FSIP1: variants seen among roughly 807,000 people sequenced by gnomAD.
FSIP1 encodes fibrous sheath-interacting protein 1.
In FSIP1, 65 loss-of-function variants were observed where a neutral mutation model predicts 60.9. The observed-to-expected ratio is 1.07, with a 90% confidence interval of 0.87 to 1.31. The LOEUF (loss-of-function observed/expected upper bound fraction) is 1.31, where lower values mean the gene tolerates loss of function less well. Among genes scored for constraint, FSIP1 ranks in the 40% most tolerant of loss-of-function variants. The pLI is 0.00. For missense variants in FSIP1, 675 were observed against 665.5 expected, an observed-to-expected ratio of 1.01 and a Z score of -0.16; for synonymous variants, 209 against 221.2, an observed-to-expected ratio of 0.94 and a Z score of 0.49.
At chr15:39,760,593 A>C (rs1431835152) in intron 5 of FSIP1, among the ~76,000 whole-genome samples, 2 of 152,198 alleles carry the variant, frequency 1.3e-5, no homozygotes, top group African/African-American at 4.8e-5. Flanking sequence ...GACATTTTAC[A>C]AAATAGCTGA....
At chr15:39,619,076 A>G (rs1470140233) in intron 10 of FSIP1, among the ~76,000 whole-genome samples, 1 of 152,210 alleles carries the variant, frequency 6.6e-6, no homozygotes, top group African/African-American at 2.4e-5. Context: ...AAGAAAACTT[A>G]ATCATGAATT....
chr15:39,633,006 T>C (rs1891966483), intron 10 of FSIP1, among the ~76,000 whole-genome samples: 1 of 151,930 alleles, frequency 6.6e-6, no homozygotes, highest in Admixed American at 6.6e-5. Flanking sequence ...GGACTCAGAA[T>C]TGTACTTCCC....
At chr15:39,775,589 G>A (rs1408891520) in intron 2 of FSIP1, among the ~76,000 whole-genome samples, 2 of 152,108 alleles carry the variant, frequency 1.3e-5, no homozygotes, top group African/African-American at 2.4e-5. Context: ...ATCTCATGTC[G>A]AATTGTAATT....
chr15:39,657,585 T>C (rs1355491866), intron 10 of FSIP1, among the ~76,000 whole-genome samples: 1 of 152,180 alleles, frequency 6.6e-6, no homozygotes, highest in Non-Finnish European at 1.5e-5. Context: ...ATATTATTTA[T>C]AAAAATAGCA....
chr15:39,627,679 T>C (rs8028707), intron 10 of FSIP1, among the ~76,000 whole-genome samples: 5,855 of 152,032 alleles, frequency 0.039, 391 homozygotes, highest in African/African-American at 0.13. Context: ...CCACATGGCA[T>C]CTCTCTGCAT....
Position 39,780,450 on chromosome 15 carries a change from G to A in FSIP1, c.-8+2178C>T, listed in dbSNP as rs1286545784. On this transcript the variant is annotated intron_variant, in intron 1 of 11. Transcript: ENST00000350221. ...TAAGGCAGGAGAATGGCCTGAACCC[G>A]GGAGGCGGAGCTTGCAGTGAGCCGA... Among the ~76,000 whole-genome samples the A allele has an allele frequency of 5.3e-5, 8 of 152,304 alleles. No homozygotes were observed. The East Asian group carries it at 9.6e-4, about 18-fold the overall frequency.
chr15:39,781,062 T>C (rs1170079711), intron 1 of FSIP1, among the ~76,000 whole-genome samples: 1 of 152,104 alleles, frequency 6.6e-6, no homozygotes, highest in Non-Finnish European at 1.5e-5. Context: ...ACCCAAAGAC[T>C]AGGAGCAAAT....
intron 5 of FSIP1, among the ~76,000 whole-genome samples, chr15:39,753,061 T>G (rs1286545383): frequency 6.6e-6 from 1 of 152,140 alleles, no homozygotes; most frequent in Non-Finnish European, 1.5e-5. Context: ...GTTAGTAAAT[T>G]TTTAAATCTT....
intron 10 of FSIP1, among the ~76,000 whole-genome samples, chr15:39,633,958 T>C (rs929402400): frequency 1.3e-5 from 2 of 152,118 alleles, no homozygotes; most frequent in African/African-American, 2.4e-5. Flanking sequence ...AACTTACATA[T>C]AGGCCCTCAG....
chr15:39,739,019 C>T (rs1039031187), intron 7 of FSIP1, among the ~76,000 whole-genome samples: 2 of 152,254 alleles, frequency 1.3e-5, no homozygotes, highest in Admixed American at 6.5e-5. Context: ...CTTCTGTCCT[C>T]CTCACTACAT....
intron 2 of FSIP1, among the ~76,000 whole-genome samples, chr15:39,772,894 C>T (rs1032330350): frequency 6.6e-6 from 1 of 151,948 alleles, no homozygotes; most frequent in Non-Finnish European, 1.5e-5. Flanking sequence ...CCCAGCCCCA[C>T]CTCCATTTTT....
At chr15:39,706,747 C>T (rs966667628) in intron 10 of FSIP1, among the ~76,000 whole-genome samples, 2 of 152,136 alleles carry the variant, frequency 1.3e-5, no homozygotes, top group African/African-American at 2.4e-5. Flanking sequence ...CCATCCATCC[C>T]GATCCCCGCT....
At chr15:39,618,292 C>T (rs376432706) in intron 10 of FSIP1, 47 bp from the exon 11 acceptor site, 5 of 1,496,094 alleles carry the variant, frequency 3.3e-6, no homozygotes, top group African/African-American at 2.8e-5. Flanking sequence ...ACTGAGTAAA[C>T]ACATTTATTT....
intron 2 of FSIP1, among the ~76,000 whole-genome samples, chr15:39,774,666 G>T (rs750557665): frequency 1.3e-5 from 2 of 152,200 alleles, no homozygotes; most frequent in African/African-American, 2.4e-5. Flanking sequence ...GTCACTTATA[G>T]CTAGGGTTCT....
intron 10 of FSIP1, among the ~76,000 whole-genome samples, chr15:39,649,004 G>T (rs1301746756): frequency 6.6e-6 from 1 of 151,742 alleles, no homozygotes; most frequent in Non-Finnish European, 1.5e-5. Context: ...AAAAAGGAAT[G>T]GAAATCTTTA....
At chr15:39,610,816 T>A (rs1224064121) in intron 11 of FSIP1, among the ~76,000 whole-genome samples, 1 of 152,136 alleles carries the variant, frequency 6.6e-6, no homozygotes, top group African/African-American at 2.4e-5. Context: ...AAGGGTGGGA[T>A]AATATAATCA....
chr15:39,746,487 A>G (rs184996255), intron 5 of FSIP1, among the ~76,000 whole-genome samples: 13 of 152,352 alleles, frequency 8.5e-5, no homozygotes, highest in African/African-American at 3.1e-4. Context: ...AGCAATGAAG[A>G]TCACAATTTT....
At chr15:39,696,638 C>T (rs1234366916) in intron 10 of FSIP1, among the ~76,000 whole-genome samples, 1 of 152,176 alleles carries the variant, frequency 6.6e-6, no homozygotes, top group African/African-American at 2.4e-5. Flanking sequence ...AATGCTCACT[C>T]TGTCATGGTT....
intron 10 of FSIP1, among the ~76,000 whole-genome samples, chr15:39,700,944 G>A (rs972873009): frequency 4.6e-5 from 7 of 152,110 alleles, no homozygotes; most frequent in Non-Finnish European, 8.8e-5. Flanking sequence ...TTGAGCCCAC[G>A]AGTTCAAGAC....
Sources: gnomAD v4.1 joint callset for allele counts (sites outside exome capture counted in the v4.1 genomes callset) on GRCh38, gnomAD v4.1.1 for gene constraint, MANE v1.5 for transcripts, NCBI Gene and HGNC (gene_info 2026-07-23, HGNC 2026-07-21) for gene names.